Variants in TMEM108 observed in about 807,000 individuals in gnomAD.
TMEM108 encodes cancer/testis antigen 124.
Under a neutral mutation model 35.1 loss-of-function variants are expected in TMEM108, and 12 were observed. The observed-to-expected ratio is 0.34, with a 90% CI of 0.22 to 0.55. The LOEUF is 0.55. Among genes scored for constraint, TMEM108 ranks in the 20% least tolerant of loss-of-function variants. The pLI, the probability that TMEM108 is intolerant of heterozygous loss-of-function variation, is 0.89. For synonymous variants in TMEM108, 287 were observed against 308.6 expected, an observed-to-expected ratio of 0.93 and a Z score of 0.73; for missense variants, 680 against 753.3, an observed-to-expected ratio of 0.90 and a Z score of 1.14.
chr3:133,125,893 T>C (rs1044238593), intron 2 of TMEM108, among the ~76,000 whole-genome samples: 15 of 152,212 alleles, frequency 9.9e-5, no homozygotes, highest in African/African-American at 3.4e-4. Context: ...CTCAAATATT[T>C]GAATTATAGT....
At chr3:133,322,840 C>A (rs376469529) in intron 3 of TMEM108, among the ~76,000 whole-genome samples, 1 of 152,106 alleles carries the variant, frequency 6.6e-6, no homozygotes, top group African/African-American at 2.4e-5. Flanking sequence ...GGTTTTACAC[C>A]AAGGATGCAG....
chr3:133,139,750 G>A (rs1164635195), intron 2 of TMEM108, among the ~76,000 whole-genome samples: 3 of 152,102 alleles, frequency 2.0e-5, no homozygotes, highest in South Asian at 4.1e-4. Flanking sequence ...GTGTTTGCTC[G>A]TTCCAACCAG....
chr3:133,372,788 G>A (rs1559935095), intron 3 of TMEM108, among the ~76,000 whole-genome samples: 1 of 152,172 alleles, frequency 6.6e-6, no homozygotes, highest in Admixed American at 6.5e-5. Context: ...GTTCCCAGCA[G>A]GATTTTATAG....
chr3:133,147,257 T>C lies in TMEM108; in HGVS notation c.-46-82009T>C, dbSNP rs552743636. On this transcript the variant is annotated intron_variant, in intron 2 of 5. Coordinates refer to ENST00000321871, the MANE Select transcript of TMEM108 (RefSeq NM_023943.4). Reference sequence around the variant, plus strand: ...CAGGAGCAGGTTTTCAGTTTCCATGTAGTTGTGTGGGTGTGAGTGAGTTTC... The same window carrying C: ...CAGGAGCAGGTTTTCAGTTTCCATGCAGTTGTGTGGGTGTGAGTGAGTTTC... Among the ~76,000 whole-genome samples the C allele has an allele frequency of 1.3e-4, 20 of 152,348 alleles. No individual in the cohort carries two copies. In the South Asian group the frequency reaches 4.1e-3, roughly 32 times the overall value.
At chr3:133,144,412 G>A (rs10451901) in intron 2 of TMEM108, among the ~76,000 whole-genome samples, 5,368 of 152,198 alleles carry the variant, frequency 0.035, 303 homozygotes, top group African/African-American at 0.12. Flanking sequence ...TTGCTATTGT[G>A]AATAGTGCTG....
intron 2 of TMEM108, among the ~76,000 whole-genome samples, chr3:133,164,342 A>AAC (rs1945005150): frequency 6.6e-6 from 1 of 152,200 alleles, no homozygotes. Context: ...CCGATGCTTT[A>AAC]ACACAGTTTC....
chr3:133,054,577 G>T (rs1252054519), intron 2 of TMEM108, among the ~76,000 whole-genome samples: 2 of 152,176 alleles, frequency 1.3e-5, no homozygotes, highest in African/African-American at 4.8e-5. Context: ...GTTGACATTT[G>T]GTGGATTACT....
rs114655378 is a variant in TMEM108, at chr3:133,327,089, G to A, written c.41-52663G>A. Among the ~76,000 whole-genome samples the A allele has an allele frequency of 9.8e-3, 1,483 of 151,866 alleles. 24 individuals carry two copies. The highest frequency in any genetic ancestry group is 0.038 in the South Asian group (185 of 4,820). On this transcript the variant is annotated intron_variant, in intron 3 of 5. Transcript: ENST00000321871. ...CCCCAGGCTGTGAGTGTGTGTGACT[G>A]TTTGCCACAAGAAGGGTGCCTTTGT...
intron 2 of TMEM108, among the ~76,000 whole-genome samples, chr3:133,058,087 T>C (rs1361413757): frequency 1.0e-4 from 11 of 105,226 alleles, no homozygotes; most frequent in Non-Finnish European, 1.8e-4. Context: ...TTTTAACTAT[T>C]GATTTTGAAA....
intron 3 of TMEM108, among the ~76,000 whole-genome samples, chr3:133,371,818 C>CTTG (rs1406341677): frequency 1.3e-5 from 2 of 152,072 alleles, no homozygotes; most frequent in Non-Finnish European, 2.9e-5. Flanking sequence ...GCGAATATGT[C>CTTG]TTGTAGCCTA....
At chr3:133,200,472 A>T (rs886178053) in intron 2 of TMEM108, among the ~76,000 whole-genome samples, 1 of 152,196 alleles carries the variant, frequency 6.6e-6, no homozygotes, top group African/African-American at 2.4e-5. Context: ...TCGTTCTCAC[A>T]GTGGCCATGA....
chr3:133,096,114 G>A (rs1309466858), intron 2 of TMEM108, among the ~76,000 whole-genome samples: 1 of 152,174 alleles, frequency 6.6e-6, no homozygotes, highest in Admixed American at 6.5e-5. Context: ...CAGGTGGGCA[G>A]TGTTCAAAGG....
intron 3 of TMEM108, among the ~76,000 whole-genome samples, chr3:133,307,631 C>A (rs1267654347): frequency 6.6e-6 from 1 of 152,100 alleles, no homozygotes; most frequent in African/African-American, 2.4e-5. Flanking sequence ...AATAGGGAAT[C>A]CTTTCCCCAT....
At chr3:133,298,343 C>T (rs1004700667) in intron 3 of TMEM108, among the ~76,000 whole-genome samples, 1 of 152,152 alleles carries the variant, frequency 6.6e-6, no homozygotes, top group Non-Finnish European at 1.5e-5. Flanking sequence ...CCTCTCCAAG[C>T]CTCCTCAAAA....
chr3:133,112,917 A>G (rs926235727), intron 2 of TMEM108, among the ~76,000 whole-genome samples: 4 of 152,254 alleles, frequency 2.6e-5, no homozygotes, highest in African/African-American at 9.6e-5. Context: ...TTAGTGGCAC[A>G]CATTTAAAAA....
At chr3:133,265,530 G>A (rs1946685333) in intron 3 of TMEM108, among the ~76,000 whole-genome samples, 1 of 152,126 alleles carries the variant, frequency 6.6e-6, no homozygotes, top group South Asian at 2.1e-4. Context: ...GCGAACCAAT[G>A]TGCTCACATT....
chr3:133,224,035 G>C (rs565255495), intron 2 of TMEM108, among the ~76,000 whole-genome samples: 1 of 152,314 alleles, frequency 6.6e-6, no homozygotes, highest in African/African-American at 2.4e-5. Flanking sequence ...TGGGAAGTCT[G>C]TCACTTTTTC....
chr3:133,279,147 C>G (rs987669467), intron 3 of TMEM108, among the ~76,000 whole-genome samples: 3 of 152,112 alleles, frequency 2.0e-5, no homozygotes, highest in Admixed American at 6.5e-5. Flanking sequence ...GTTAAAACAC[C>G]CTGTGTCAAA....
At chr3:133,072,600 C>T (rs949326796) in intron 2 of TMEM108, among the ~76,000 whole-genome samples, 6 of 152,088 alleles carry the variant, frequency 3.9e-5, no homozygotes, top group East Asian at 1.9e-4. Context: ...TGCTCTTTAC[C>T]GCATACCTTA....
Sources: gnomAD v4.1 joint callset for allele counts (sites outside exome capture counted in the v4.1 genomes callset) on GRCh38, gnomAD v4.1.1 for gene constraint, MANE v1.5 for transcripts, NCBI Gene and HGNC (gene_info 2026-07-23, HGNC 2026-07-21) for gene names.